SCHIP1: variants seen among roughly 807,000 people sequenced by gnomAD.
The protein encoded by SCHIP1 is schwannomin interacting protein 1.
In SCHIP1, 8 loss-of-function variants were observed where a neutral mutation model predicts 29.7. The ratio of observed to expected loss-of-function variants is 0.27; its 90% CI spans 0.16 to 0.49. The LOEUF (loss-of-function observed/expected upper bound fraction) is 0.49. Ranked by LOEUF, SCHIP1 falls within the 20% of genes least tolerant of loss-of-function variation. The pLI, the probability that SCHIP1 is intolerant of heterozygous loss-of-function variation, is 0.99. For synonymous variants in SCHIP1, 76 were observed against 94.9 expected, an observed-to-expected ratio of 0.80 and a Z score of 1.16; for missense variants, 193 against 294.6, an observed-to-expected ratio of 0.66 and a Z score of 2.52.
chr3:159,544,852 T>G, the SCHIP1 span, among the ~76,000 whole-genome samples: 1 of 152,254 alleles, frequency 6.6e-6, no homozygotes, highest in African/African-American at 2.4e-5. Flanking sequence ...AAACTTTTAA[T>G]GTAGTCAATG....
At chr3:159,457,535 G>A in the SCHIP1 span, among the ~76,000 whole-genome samples, 1 of 152,118 alleles carries the variant, frequency 6.6e-6, no homozygotes, top group South Asian at 2.1e-4. Context: ...GGGAAGGGAG[G>A]AAGCTATAAA....
chr3:159,275,101 A>T, the SCHIP1 span: 2 of 963,358 alleles, frequency 2.1e-6, no homozygotes, highest in East Asian at 1.1e-4. Flanking sequence ...TAACAATTTT[A>T]TATAAAGGAG....
chr3:159,806,831 A>G, the SCHIP1 span, among the ~76,000 whole-genome samples: 1 of 152,228 alleles, frequency 6.6e-6, no homozygotes, highest in South Asian at 2.1e-4. Context: ...AGGAGGAGAA[A>G]AATGGGCAGA....
At chr3:159,508,402 C>T in the SCHIP1 span, among the ~76,000 whole-genome samples, 1 of 152,034 alleles carries the variant, frequency 6.6e-6, no homozygotes, top group Non-Finnish European at 1.5e-5. Context: ...TTTTGTTGAT[C>T]TTTTCAAAAA....
the SCHIP1 span, among the ~76,000 whole-genome samples, chr3:159,454,979 T>A: frequency 6.6e-6 from 1 of 152,252 alleles, no homozygotes; most frequent in South Asian, 2.1e-4. Flanking sequence ...TTTTTAAAAC[T>A]CTTTTTCCAT....
the SCHIP1 span, among the ~76,000 whole-genome samples, chr3:159,831,045 A>C: frequency 6.6e-6 from 1 of 152,324 alleles, no homozygotes; most frequent in African/African-American, 2.4e-5. Context: ...CCAGTGACAC[A>C]CAACTTGCTT....
At chr3:159,743,026 T>C in the SCHIP1 span, among the ~76,000 whole-genome samples, 1 of 152,054 alleles carries the variant, frequency 6.6e-6, no homozygotes, top group Admixed American at 6.6e-5. Flanking sequence ...TTCAAGTGCA[T>C]TCCTCCTAAA....
the SCHIP1 span, among the ~76,000 whole-genome samples, chr3:159,393,092 T>C: frequency 6.6e-6 from 1 of 152,258 alleles, no homozygotes; most frequent in Non-Finnish European, 1.5e-5. Context: ...CATGTGTCTT[T>C]TGGCTGCATA....
chr3:159,426,628 C>T, the SCHIP1 span, among the ~76,000 whole-genome samples: 41 of 152,282 alleles, frequency 2.7e-4, no homozygotes, highest in African/African-American at 9.6e-4. Context: ...GGTACCATTC[C>T]TTCTGAAACT....
the SCHIP1 span, among the ~76,000 whole-genome samples, chr3:159,652,675 C>T: frequency 4.6e-5 from 7 of 151,998 alleles, no homozygotes; most frequent in East Asian, 1.9e-4. Context: ...TGTGCAATGA[C>T]GACTGTTGAA....
At chr3:159,280,882 A>C in the SCHIP1 span, among the ~76,000 whole-genome samples, 37 of 152,340 alleles carry the variant, frequency 2.4e-4, no homozygotes, top group African/African-American at 8.2e-4. Context: ...AAAGCAATGC[A>C]CACTCTAAAT....
the SCHIP1 span, among the ~76,000 whole-genome samples, chr3:159,585,390 T>C: frequency 6.6e-6 from 1 of 152,166 alleles, no homozygotes; most frequent in African/African-American, 2.4e-5. Flanking sequence ...CACAGGAGAT[T>C]CGTTTCTTAG....
the SCHIP1 span, among the ~76,000 whole-genome samples, chr3:159,506,411 T>C: frequency 6.6e-6 from 1 of 152,222 alleles, no homozygotes; most frequent in African/African-American, 2.4e-5. Flanking sequence ...TCCCATTCTG[T>C]AGGTTGCCTG....
the SCHIP1 span, among the ~76,000 whole-genome samples, chr3:159,517,699 T>C: frequency 6.6e-6 from 1 of 151,894 alleles, no homozygotes; most frequent in Non-Finnish European, 1.5e-5. Flanking sequence ...ATATATATAG[T>C]ATATATCTAC....
rs187637653 is a variant in SCHIP1 at position 159,889,236 on chromosome 3, C to T, written c.589+293C>T. On this transcript the variant is annotated intron_variant, in intron 5 of 6. Transcript: ENST00000445224. ...TGACTTACAACACCTGTTTCTGGAA[C>T]ACAGTTCAGTAGTTACAAGTCATTT... Among the ~76,000 whole-genome samples, 250 of 152,344 alleles carry T rather than the reference C, an allele frequency of 1.6e-3. 1 individual carries two copies. The highest frequency in any genetic ancestry group is 5.9e-3 in the African/African-American group (245 of 41,588).
At chr3:159,468,448 C>G in the SCHIP1 span, among the ~76,000 whole-genome samples, 1 of 151,898 alleles carries the variant, frequency 6.6e-6, no homozygotes, top group Non-Finnish European at 1.5e-5. Context: ...CAACCATTCA[C>G]AGAGTGATTT....
At chr3:159,618,586 G>A in the SCHIP1 span, among the ~76,000 whole-genome samples, 16 of 152,228 alleles carry the variant, frequency 1.1e-4, no homozygotes, top group Non-Finnish European at 2.1e-4. Context: ...TGTGGCATTC[G>A]TCTTGCTCTT....
intron 3 of SCHIP1, 83 bp from the exon 5 acceptor site, chr3:159,887,625 C>T (rs1717093110): frequency 7.3e-6 from 11 of 1,515,738 alleles, no homozygotes; most frequent in Non-Finnish European, 1.0e-5. Context: ...TGAGAGAAGG[C>T]TCAGAGGATG....
chr3:159,788,063 G>A, the SCHIP1 span, among the ~76,000 whole-genome samples: 10 of 152,250 alleles, frequency 6.6e-5, no homozygotes, highest in South Asian at 1.0e-3. Context: ...CTTTTGACCC[G>A]TCTTCAATAG....
Sources: allele counts gnomAD v4.1 joint callset (sites outside exome capture counted in the v4.1 genomes callset), GRCh38; gene constraint gnomAD v4.1.1; transcripts MANE v1.5; gene names NCBI Gene and HGNC (gene_info 2026-07-23, HGNC 2026-07-21).